Variants in ANKS1A observed in about 807,000 individuals in gnomAD.
ANKS1A encodes the protein ankyrin repeat and SAM domain-containing protein 1A.
A neutral mutation model predicts 120.3 loss-of-function variants in ANKS1A; 55 were observed. The observed-to-expected ratio is 0.46, with a 90% CI of 0.37 to 0.57. The LOEUF is 0.57. Ranked by LOEUF, ANKS1A falls within the 20% of genes least tolerant of loss-of-function variation. The probability of loss-of-function intolerance (pLI) is 0.00; values close to 1 mark genes in which losing one functional copy is unlikely to be tolerated. For missense variants in ANKS1A, 1,123 were observed against 1,480.3 expected, an observed-to-expected ratio of 0.76 and a Z score of 3.96; for synonymous variants, 590 against 604.7, an observed-to-expected ratio of 0.98 and a Z score of 0.36.
intron 1 of ANKS1A, among the ~76,000 whole-genome samples, chr6:34,902,876 A>G (rs899353247): frequency 1.1e-4 from 17 of 148,816 alleles, no homozygotes; most frequent in Non-Finnish European, 9.0e-5. Flanking sequence ...TTCAGTTACC[A>G]TCATTTCCGG....
At chr6:35,036,137 C>T (rs1335571480) in intron 11 of ANKS1A, among the ~76,000 whole-genome samples, 1 of 152,170 alleles carries the variant, frequency 6.6e-6, no homozygotes, top group Non-Finnish European at 1.5e-5. Flanking sequence ...TGGTGTTGGG[C>T]ATAGTACTAA....
intron 11 of ANKS1A, among the ~76,000 whole-genome samples, chr6:35,045,690 C>T (rs930854657): frequency 1.8e-4 from 27 of 152,108 alleles, no homozygotes; most frequent in African/African-American, 6.3e-4. Context: ...GATCCACGGA[C>T]GTTATTTTGA....
intron 11 of ANKS1A, among the ~76,000 whole-genome samples, chr6:35,045,073 G>T (rs1027894613): frequency 1.3e-5 from 2 of 152,214 alleles, no homozygotes; most frequent in Non-Finnish European, 2.9e-5. Context: ...TGCCTTTGGA[G>T]GAGGAACAGA....
chr6:34,968,402 C>T (rs940572413), intron 2 of ANKS1A, among the ~76,000 whole-genome samples: 1 of 152,118 alleles, frequency 6.6e-6, no homozygotes, highest in South Asian at 2.1e-4. Context: ...AAAACAAGTA[C>T]TATAGGCAAT....
chr6:35,090,988 G>C lies in ANKS1A; in HGVS notation c.*2379G>C, dbSNP rs180679006. 1.8e-4 allele frequency: 182 copies of C among 985,910 alleles called. No homozygotes were observed. The African/African-American group carries it at 2.8e-3, about 15-fold the overall frequency. 61.1% of individuals were successfully genotyped at this position (985,910 alleles called of 1,614,324 possible). On this transcript the variant is annotated 3_prime_UTR_variant, in exon 24 of 24. Transcript: ENST00000360359. The stretch of plus-strand genomic sequence containing the variant: ...CTAATGGGAGTTCCCGAGATGCTCG[G>C]GTTTGAGCAGGGAGCAGGCAGAGCT...
intron 23 of ANKS1A, among the ~76,000 whole-genome samples, chr6:35,087,672 C>G (rs1032407756): frequency 2.6e-5 from 4 of 152,228 alleles, no homozygotes; most frequent in Non-Finnish European, 4.4e-5. Flanking sequence ...CTTGTGAGAC[C>G]TTGAGCTCAG....
At chr6:34,895,640 AT>A (rs748449204) in intron 1 of ANKS1A, among the ~76,000 whole-genome samples, 3 of 152,146 alleles carry the variant, frequency 2.0e-5, no homozygotes, top group Non-Finnish European at 4.4e-5. Context: ...GTGGATTTGA[AT>A]TTGTCTGATC....
intron 14 of ANKS1A, among the ~76,000 whole-genome samples, chr6:35,079,223 G>A (rs554766480): frequency 1.3e-5 from 2 of 152,312 alleles, no homozygotes; most frequent in African/African-American, 4.8e-5. Flanking sequence ...TGACCTCAGC[G>A]GAGCTCAGGG....
rs532297264 is a variant in ANKS1A, at chr6:34,921,883, G to A, written c.197+32284G>A. Among the ~76,000 whole-genome samples, 301 of 152,262 alleles carry A rather than the reference G, an allele frequency of 2.0e-3. 1 individual carries two copies. Among genetic ancestry groups the A allele is most frequent in the South Asian group, 3.5e-3 (17 of 4,828 alleles). Reference sequence around the variant, plus strand: ...GCTAACTAAAAAATTTTTTTGTAGAGACAGGTCTCGCTATGTTGCCCAGGC... The same window carrying A: ...GCTAACTAAAAAATTTTTTTGTAGAAACAGGTCTCGCTATGTTGCCCAGGC... On this transcript the variant is annotated intron_variant, in intron 1 of 23. Transcript: ENST00000360359.
At chr6:35,045,634 T>C (rs745499498) in intron 11 of ANKS1A, among the ~76,000 whole-genome samples, 5 of 152,184 alleles carry the variant, frequency 3.3e-5, no homozygotes, top group Admixed American at 2.6e-4. Context: ...CACCATGAAT[T>C]AGGTGGATAA....
intron 11 of ANKS1A, among the ~76,000 whole-genome samples, chr6:35,034,054 A>G (rs367995681): frequency 2.7e-4 from 41 of 152,306 alleles, no homozygotes; most frequent in African/African-American, 9.4e-4. Context: ...ATAATGTTGC[A>G]GGTTTAGGTT....
chr6:35,078,934 G>C (rs908464227), intron 14 of ANKS1A, among the ~76,000 whole-genome samples: 1 of 152,212 alleles, frequency 6.6e-6, no homozygotes, highest in Non-Finnish European at 1.5e-5. Flanking sequence ...TGGCCCAGGA[G>C]CCTGGTACCC....
At chr6:35,064,192 G>T (rs1398162233) in intron 13 of ANKS1A, among the ~76,000 whole-genome samples, 4 of 152,162 alleles carry the variant, frequency 2.6e-5, no homozygotes, top group Non-Finnish European at 4.4e-5. Context: ...CAGGCAAAAA[G>T]CCCCTTGAGT....
intron 11 of ANKS1A, among the ~76,000 whole-genome samples, chr6:35,043,015 A>G (rs1775544509): frequency 6.6e-6 from 1 of 152,172 alleles, no homozygotes; most frequent in South Asian, 2.1e-4. Context: ...GCCTCAGAAT[A>G]TGTCTGCGAG....
Position 35,082,048 on chromosome 6 carries a change from G to A in ANKS1A, c.2710-643G>A, listed in dbSNP as rs905756226. 2.0e-5 allele frequency among the ~76,000 whole-genome samples: 3 copies of A among 152,264 alleles called. No homozygotes were observed. The highest frequency in any genetic ancestry group is 1.9e-4 in the East Asian group (1 of 5,170). ...TTTAAACACATTGTCCAGCAATTCC[G>A]GTTGCTGTTGAGAGGCTCTGCGCAC... is the stretch of plus-strand genomic sequence containing the variant. On this transcript the variant is annotated intron_variant, in intron 17 of 23. Coordinates refer to ENST00000360359, the MANE Select transcript of ANKS1A (RefSeq NM_015245.3). This position sits in a 1 kb window ranked among gnomAD's most constrained non-coding sequence, Gnocchi z 4.1.
chr6:34,980,914 A>G (rs574402580), intron 3 of ANKS1A, among the ~76,000 whole-genome samples: 1 of 152,344 alleles, frequency 6.6e-6, no homozygotes, highest in South Asian at 2.1e-4. Flanking sequence ...AATTGATAGC[A>G]ATATTACATT....
At position 35,085,619 on chromosome 6, in the gene ANKS1A, AG is replaced by A. The variant is rs1777920511; in HGVS notation, c.3133-145del. The A allele has an allele frequency of 6.9e-6, 5 of 727,832 alleles. No individual in the cohort carries two copies. Among genetic ancestry groups the A allele is most frequent in the Admixed American group, 3.5e-5 (1 of 28,832 alleles). The allele number at this position is 727,832 out of a possible 1,614,324, so 45.1% of individuals were successfully genotyped here. Reference sequence around the variant, plus strand: ...AACAACAGAGACCTAGGAAGAGTAAAGGAGGGAAAGGAGGGAAGAGTGGAAG... The same window carrying A: ...AACAACAGAGACCTAGGAAGAGTAAAGAGGGAAAGGAGGGAAGAGTGGAAG... On this transcript the variant is annotated intron_variant, in intron 21 of 23. Coordinates refer to ENST00000360359, the MANE Select transcript of ANKS1A (RefSeq NM_015245.3). The surrounding 1 kb of genome is among the most constrained non-coding windows in gnomAD (Gnocchi z 4.7).
chr6:34,933,955 T>G (rs112880718), intron 1 of ANKS1A, among the ~76,000 whole-genome samples: 7 of 152,142 alleles, frequency 4.6e-5, no homozygotes, highest in African/African-American at 1.7e-4. Flanking sequence ...TAAACCAAGA[T>G]ACCATGGTGT....
rs76437678 is a variant in ANKS1A, at chr6:35,044,275, G to A, written c.2011-9824G>A. 0.013 allele frequency among the ~76,000 whole-genome samples: 1,928 copies of A among 152,300 alleles called. 45 individuals are homozygous for A. Among genetic ancestry groups the A allele is most frequent in the East Asian group, 0.094 (490 of 5,190 alleles). On this transcript the variant is annotated intron_variant, in intron 11 of 23. Transcript: ENST00000360359. This position sits in a 1 kb window ranked among gnomAD's most constrained non-coding sequence, Gnocchi z 4.4. ...TAGCTCGCTGGCAGATCACTTAAGC[G>A]GAGGTCAATAACAGGTTTGCCAGGT...
Sources: gnomAD v4.1 joint callset for allele counts (sites outside exome capture counted in the v4.1 genomes callset) on GRCh38, gnomAD v4.1.1 for gene constraint, Gnocchi (gnomAD v3.1) non-coding constraint, MANE v1.5 for transcripts, NCBI Gene and HGNC (gene_info 2026-07-23, HGNC 2026-07-21) for gene names.